PCDHGA11: variants seen among roughly 807,000 people sequenced by gnomAD.
PCDHGA11 encodes the protein protocadherin gamma-A11.
A neutral mutation model predicts 60.4 loss-of-function variants in PCDHGA11; 39 were observed. The observed-to-expected ratio is 0.65, with a 90% CI of 0.50 to 0.84. The LOEUF is 0.84. Among genes scored for constraint, PCDHGA11 ranks in the 40% least tolerant of loss-of-function variants. The pLI is 0.00. For synonymous variants in PCDHGA11, 533 were observed against 510.3 expected, an observed-to-expected ratio of 1.04 and a Z score of -0.60; for missense variants, 1,165 against 1,197.7, an observed-to-expected ratio of 0.97 and a Z score of 0.40.
At chr5:141,447,023 G>GT (rs5871773) in intron 1 of PCDHGA11, among the ~76,000 whole-genome samples, 28,105 of 151,474 alleles carry the variant, frequency 0.19, 2,731 homozygotes, top group African/African-American at 0.24. Context: ...GTTTTGTTTT[G>GT]TTTTTTTTCT....
At chr5:141,466,983 C>A (rs2099133398) in intron 1 of PCDHGA11, among the ~76,000 whole-genome samples, 1 of 151,884 alleles carries the variant, frequency 6.6e-6, no homozygotes, top group African/African-American at 2.4e-5. Context: ...TCATCATTTA[C>A]CTTTTGGCAT....
rs544291535 is a variant in PCDHGA11 at position 141,433,938 on chromosome 5, C to T, written c.2433+10278C>T. 4.6e-5 allele frequency among the ~76,000 whole-genome samples: 7 copies of T among 151,784 alleles called. No homozygotes were observed. The South Asian group carries it at 1.3e-3, about 27-fold the overall frequency. On this transcript the variant is annotated intron_variant, in intron 1 of 3. Coordinates refer to ENST00000398587, the MANE Select transcript of PCDHGA11 (RefSeq NM_018914.3). ...CCTCCAAATGAAGATTTTATAATTCCATTGTTTCTTCTACAGTTGTTAATT... is the reference window on the plus strand; with the variant it reads ...CCTCCAAATGAAGATTTTATAATTCTATTGTTTCTTCTACAGTTGTTAATT...
Position 141,422,497 on chromosome 5 carries a change from A to G in PCDHGA11, c.1270A>G (p.Thr424Ala), listed in dbSNP as rs1257927470. 1.9e-6 allele frequency: 3 copies of G among 1,613,874 alleles called. No homozygotes were observed. In the African/African-American group the frequency reaches 4.0e-5, roughly 22 times the overall value. The change falls in exon 1 of 4, where the codon ACA becomes GCA. Residue 424 changes from threonine (T) to alanine (A), a missense_variant. Transcript: ENST00000398587. Reference sequence around the variant, plus strand: ...GGTCCAGAGCTACAATATAACGTTGACAGCCACAGACCAGGGAAGCCCGCC... The same window carrying G: ...GGTCCAGAGCTACAATATAACGTTGGCAGCCACAGACCAGGGAAGCCCGCC... ...ELVQSYNITLTATDQGSPPLS... is the reference protein window; with the variant it reads ...ELVQSYNITLAATDQGSPPLS...
At position 141,422,719 on chromosome 5, in the gene PCDHGA11, CA is replaced by C. The variant is rs2096667277; in HGVS notation, c.1493del (p.Gln498ArgfsTer32). ...TTACTCTCTGACGGATGACACTGTCCAGGGGGTGCCTCTGTCCTCCTATGTC... is the reference window on the plus strand; with the variant it reads ...TTACTCTCTGACGGATGACACTGTCCGGGGGTGCCTCTGTCCTCCTATGTC... ...VTYSLTDDTV[Q>X]GVPLSSYVSI... On this transcript the variant is annotated frameshift_variant, in exon 1 of 4. Transcript: ENST00000398587. LOFTEE classifies it high-confidence loss of function. The C allele has an allele frequency of 6.2e-7, 1 of 1,604,786 alleles. No individual in the cohort carries two copies. Among genetic ancestry groups the C allele is most frequent in the Admixed American group, 1.7e-5 (1 of 59,704 alleles).
Position 141,486,616 on chromosome 5 carries a change from C to A in PCDHGA11, c.2434-8191C>A. On this transcript the variant is annotated intron_variant, in intron 1 of 3. Transcript: ENST00000398587. The surrounding 1 kb of genome is among the most constrained non-coding windows in gnomAD (Gnocchi z 5.0). ...TGCTTTGCTCCCTTGCAGCCTCTGACCCAGACTCTGGCTTGAATGCGCTTA... is the reference window on the plus strand; with the variant it reads ...TGCTTTGCTCCCTTGCAGCCTCTGAACCAGACTCTGGCTTGAATGCGCTTA... The A allele has an allele frequency of 6.2e-7, 1 of 1,613,618 alleles. No individual in the cohort carries two copies. Among genetic ancestry groups the A allele is most frequent in the Non-Finnish European group, 8.5e-7 (1 of 1,180,022 alleles).
At chr5:141,460,780 A>G (rs1387522399) in intron 1 of PCDHGA11, among the ~76,000 whole-genome samples, 3 of 152,042 alleles carry the variant, frequency 2.0e-5, no homozygotes, top group Non-Finnish European at 4.4e-5. Context: ...GTATGTATAC[A>G]TATATACACA....
chr5:141,478,148 C>T lies in PCDHGA11; in HGVS notation c.2434-16659C>T, dbSNP rs752958567. ...CTCTCCTGAAGCCCGAGCCGAGTTC[C>T]CCTCTGGCTCTGCCCCCCGGGAGCA... On this transcript the variant is annotated intron_variant, in intron 1 of 3. Coordinates refer to ENST00000398587, the MANE Select transcript of PCDHGA11 (RefSeq NM_018914.3). 3.1e-6 allele frequency: 5 copies of T among 1,613,948 alleles called. No homozygotes were observed. The highest frequency in any genetic ancestry group is 1.6e-4 in the Middle Eastern group (1 of 6,082).
At chr5:141,478,559 A>T (rs938780510) in intron 1 of PCDHGA11, 1 of 1,599,454 alleles carries the variant, frequency 6.3e-7, no homozygotes, top group Non-Finnish European at 8.5e-7. Context: ...AAGGTTTAGC[A>T]AGTCATGCTT....
chr5:141,500,367 C>A (rs953610460), intron 2 of PCDHGA11, among the ~76,000 whole-genome samples: 7 of 151,940 alleles, frequency 4.6e-5, no homozygotes, highest in African/African-American at 1.7e-4. Context: ...CACTACCACG[C>A]CCGGCTAATT....
intron 1 of PCDHGA11, among the ~76,000 whole-genome samples, chr5:141,470,845 G>T (rs1381257094): frequency 1.3e-5 from 2 of 151,972 alleles, no homozygotes; most frequent in African/African-American, 4.8e-5. Flanking sequence ...ACGCCACCAT[G>T]CTCAGATAAG....
At chr5:141,509,327 G>A (rs2099876237) in intron 3 of PCDHGA11, among the ~76,000 whole-genome samples, 1 of 152,188 alleles carries the variant, frequency 6.6e-6, no homozygotes, top group African/African-American at 2.4e-5. Flanking sequence ...AAGCTCTACT[G>A]CCAGCTGGGC....
chr5:141,427,530 T>C (rs1302316196), intron 1 of PCDHGA11: 3 of 619,732 alleles, frequency 4.8e-6, no homozygotes, highest in Non-Finnish European at 9.0e-6. Context: ...GATCCCGGAG[T>C]ACAACGTCAC....
At chr5:141,445,553 A>G (rs948468877) in intron 1 of PCDHGA11, among the ~76,000 whole-genome samples, 1 of 152,252 alleles carries the variant, frequency 6.6e-6, no homozygotes, top group Non-Finnish European at 1.5e-5. Context: ...ATACAAAAGC[A>G]CTAAGAGAAA....
chr5:141,502,524 C>T (rs959562458), intron 2 of PCDHGA11, among the ~76,000 whole-genome samples: 3 of 151,910 alleles, frequency 2.0e-5, no homozygotes, highest in East Asian at 1.9e-4. Flanking sequence ...TCAGTGATGC[C>T]GAGTTTGTTC....
chr5:141,483,951 TTG>T (rs1298075162), intron 1 of PCDHGA11, among the ~76,000 whole-genome samples: 2 of 147,758 alleles, frequency 1.4e-5, no homozygotes, highest in Non-Finnish European at 3.0e-5. Flanking sequence ...GTGAATTGTG[TTG>T]TGTTTCTGTG....
chr5:141,422,916 C>T lies in PCDHGA11; in HGVS notation c.1689C>T (p.Ile563=). 1 of 1,614,260 alleles carries T rather than the reference C, an allele frequency of 6.2e-7. No individual in the cohort carries two copies. The highest frequency in any genetic ancestry group is 8.5e-7 in the Non-Finnish European group (1 of 1,180,048). ...VLDQNDNAPE[I]LYPALPTDGS... ...ACCAGAACGACAATGCGCCCGAGAT[C>T]CTGTACCCTGCCCTCCCCACAGACG... The change falls in exon 1 of 4, where the codon ATC becomes ATT. Residue 563 remains isoleucine, a synonymous_variant. Coordinates refer to ENST00000398587, the MANE Select transcript of PCDHGA11 (RefSeq NM_018914.3).
intron 2 of PCDHGA11, among the ~76,000 whole-genome samples, chr5:141,504,141 T>C (rs1289360763): frequency 6.6e-6 from 1 of 152,192 alleles, no homozygotes; most frequent in East Asian, 1.9e-4. Flanking sequence ...AACACTCCCC[T>C]GCAAATTGAA....
intron 1 of PCDHGA11, 160 bp downstream of exon 1, chr5:141,423,820 C>T: frequency 7.9e-7 from 1 of 1,272,642 alleles, no homozygotes. Context: ...TTTTACTTTG[C>T]CTTTCATGAG....
chr5:141,497,825 C>T (rs1015168533), intron 2 of PCDHGA11, among the ~76,000 whole-genome samples: 3 of 152,154 alleles, frequency 2.0e-5, no homozygotes, highest in Admixed American at 6.5e-5. Context: ...CAGGTGTGAT[C>T]GCCCCCGGCC....
Sources: allele counts gnomAD v4.1 joint callset (sites outside exome capture counted in the v4.1 genomes callset), GRCh38; gene constraint gnomAD v4.1.1; non-coding constraint Gnocchi (gnomAD v3.1); transcripts MANE v1.5; gene names NCBI Gene and HGNC (gene_info 2026-07-23, HGNC 2026-07-21).